Variants in MYCT1 observed in about 807,000 individuals in gnomAD.
MYCT1 encodes MYC target 1.
In MYCT1, 12 loss-of-function variants were observed where a neutral mutation model predicts 15.0. That is an observed-to-expected ratio of 0.80 (90% CI 0.51 to 1.29). MYCT1 has a LOEUF of 1.29. MYCT1 is among the 50% of genes most tolerant of loss of function. MYCT1 has a pLI of 0.00. For synonymous variants in MYCT1, 104 were observed against 102.7 expected, an observed-to-expected ratio of 1.01 and a Z score of -0.07; for missense variants, 287 against 279.1, an observed-to-expected ratio of 1.03 and a Z score of -0.20.
At chr6:152,742,277 C>T in the MYCT1 span, among the ~76,000 whole-genome samples, 2 of 152,110 alleles carry the variant, frequency 1.3e-5, no homozygotes, top group African/African-American at 2.4e-5. Flanking sequence ...AAAAAATGTT[C>T]TACTGTAAGC....
the MYCT1 span, among the ~76,000 whole-genome samples, chr6:152,736,953 A>G: frequency 4.6e-5 from 7 of 152,290 alleles, no homozygotes; most frequent in Non-Finnish European, 1.0e-4. Flanking sequence ...TATAGATCTT[A>G]ACAGAAAATG....
intron 1 of MYCT1, among the ~76,000 whole-genome samples, chr6:152,706,847 A>ATGTGTGTGTGTG (rs4034690): frequency 0.05 from 7,441 of 148,234 alleles, 269 homozygotes; most frequent in East Asian, 0.14. Context: ...GAAACCATAT[A>ATGTGTGTGTGTG]TGTGTGTGTG....
At chr6:152,744,358 G>A in the MYCT1 span, among the ~76,000 whole-genome samples, 14 of 152,132 alleles carry the variant, frequency 9.2e-5, no homozygotes, top group East Asian at 2.7e-3. Flanking sequence ...AAACATGCAG[G>A]CCTTCTGAAG....
chr6:152,707,664 A>G (rs1396219112), intron 1 of MYCT1, among the ~76,000 whole-genome samples: 2 of 151,662 alleles, frequency 1.3e-5, no homozygotes, highest in African/African-American at 4.8e-5. Context: ...GTTTGACTTG[A>G]TTTTTCTATA....
intron 1 of MYCT1, among the ~76,000 whole-genome samples, chr6:152,716,626 A>G (rs530999473): frequency 6.6e-6 from 1 of 152,280 alleles, no homozygotes; most frequent in East Asian, 1.9e-4. Context: ...CGTGGCTGTT[A>G]TTATCAGGCC....
At chr6:152,737,972 T>C in the MYCT1 span, among the ~76,000 whole-genome samples, 37 of 152,264 alleles carry the variant, frequency 2.4e-4, no homozygotes, top group Non-Finnish European at 4.4e-4. Flanking sequence ...ATTCTATTTC[T>C]AGGAATTTAT....
rs768742542 is a variant in MYCT1, at chr6:152,722,292, T to C, written c.*39T>C. 6.5e-7 allele frequency: 1 copy of C among 1,548,202 alleles called. No homozygotes were observed. Among genetic ancestry groups the C allele is most frequent in the Non-Finnish European group, 8.7e-7 (1 of 1,154,366 alleles). On this transcript the variant is annotated 3_prime_UTR_variant, in exon 2 of 2. Coordinates refer to ENST00000367245, the MANE Select transcript of MYCT1 (RefSeq NM_025107.3). ...TGGTTTTTGTTTCTTTCTTGTCTTG[T>C]CTTTTATTGAAAGGAAATCAAAAAT...
intron 1 of MYCT1, among the ~76,000 whole-genome samples, chr6:152,715,411 C>T (rs1223095134): frequency 6.6e-6 from 1 of 151,182 alleles, no homozygotes; most frequent in South Asian, 2.1e-4. Flanking sequence ...AATCTCCAAG[C>T]CTTTTGTTTA....
chr6:152,731,811 G>A, the MYCT1 span, among the ~76,000 whole-genome samples: 5 of 149,508 alleles, frequency 3.3e-5, no homozygotes, highest in South Asian at 2.1e-4. Flanking sequence ...GCAGTGGCGC[G>A]ATATCAGCTC....
chr6:152,736,947 G>T, the MYCT1 span, among the ~76,000 whole-genome samples: 1 of 152,106 alleles, frequency 6.6e-6, no homozygotes, highest in Non-Finnish European at 1.5e-5. Flanking sequence ...GAAAGATATA[G>T]ATCTTAACAG....
downstream of MYCT1, among the ~76,000 whole-genome samples, chr6:152,725,307 TA>T (rs2099725461): frequency 6.6e-6 from 1 of 152,192 alleles, no homozygotes; most frequent in Admixed American, 6.5e-5. Flanking sequence ...GATAAATTAG[TA>T]ATGGACCAAA....
rs1212387584 is a variant in MYCT1, at chr6:152,697,977, A to G, written c.75A>G (p.Lys25=). 1.2e-6 allele frequency: 2 copies of G among 1,608,712 alleles called. No individual in the cohort carries two copies. The highest frequency in any genetic ancestry group is 1.7e-6 in the Non-Finnish European group (2 of 1,177,946). The change falls in exon 1 of 2, where the codon AAA becomes AAG. Residue 25 remains lysine (K), a synonymous_variant. Coordinates refer to ENST00000367245, the MANE Select transcript of MYCT1 (RefSeq NM_025107.3). ...CTGTACTACAAAGAGATAGAATCAA[A>G]CTGCTTTTTTTCGACATACTGGTTT... The part of the protein sequence containing the change: ...SLAVLQRDRI[K]LLFFDILVFL...
At chr6:152,744,516 G>A in the MYCT1 span, among the ~76,000 whole-genome samples, 1 of 152,184 alleles carries the variant, frequency 6.6e-6, no homozygotes, top group Non-Finnish European at 1.5e-5. Context: ...AGAGGTAGAA[G>A]TAGTGAGGTA....
rs896442587 is a variant in MYCT1 at position 152,722,355 on chromosome 6, T to A, written c.*102T>A. Reference sequence around the variant, plus strand: ...ATTTTGAGGGCATGGCCCAAATAACTCATGAGTTCCAAGTTGAAACATGGT... The same window carrying A: ...ATTTTGAGGGCATGGCCCAAATAACACATGAGTTCCAAGTTGAAACATGGT... On this transcript the variant is annotated 3_prime_UTR_variant, in exon 2 of 2. Transcript: ENST00000367245. 7 of 1,184,440 alleles carry A rather than the reference T, an allele frequency of 5.9e-6. No homozygotes were observed. The Admixed American group carries it at 1.3e-4, about 21-fold the overall frequency. The allele number at this position is 1,184,440 out of a possible 1,614,324, so 73.4% of individuals were successfully genotyped here.
chr6:152,743,606 G>A, the MYCT1 span, among the ~76,000 whole-genome samples: 1 of 152,140 alleles, frequency 6.6e-6, no homozygotes, highest in Admixed American at 6.5e-5. Context: ...AGGCAACCAT[G>A]CCCCACTCCC....
At chr6:152,746,709 C>G in the MYCT1 span, among the ~76,000 whole-genome samples, 13 of 152,134 alleles carry the variant, frequency 8.5e-5, no homozygotes, top group Non-Finnish European at 2.9e-5. Flanking sequence ...TTCTCTATAC[C>G]CTTCTTTTTG....
chr6:152,744,844 G>A, the MYCT1 span, among the ~76,000 whole-genome samples: 3 of 152,126 alleles, frequency 2.0e-5, no homozygotes, highest in Admixed American at 6.6e-5. Flanking sequence ...GCGGGAGCTG[G>A]GGGGAGAGCC....
chr6:152,742,124 G>C, the MYCT1 span, among the ~76,000 whole-genome samples: 1 of 152,138 alleles, frequency 6.6e-6, no homozygotes, highest in South Asian at 2.1e-4. Flanking sequence ...AGTGTCTGGC[G>C]ATGGAGGAAA....
chr6:152,700,141 A>T (rs977131152), intron 1 of MYCT1, among the ~76,000 whole-genome samples: 3 of 152,188 alleles, frequency 2.0e-5, no homozygotes, highest in African/African-American at 4.8e-5. Flanking sequence ...TATAAAATGT[A>T]TACATTTCCT....
Sources: allele counts gnomAD v4.1 joint callset (sites outside exome capture counted in the v4.1 genomes callset), GRCh38; gene constraint gnomAD v4.1.1; transcripts MANE v1.5; gene names NCBI Gene and HGNC (gene_info 2026-07-23, HGNC 2026-07-21).